The following TYRO3 variants were observed in gnomAD, a reference collection of about 807,000 sequenced individuals.
The protein encoded by TYRO3 is tyrosine-protein kinase receptor TYRO3.
TYRO3 carries 38 observed loss-of-function variants against 95.2 expected under a neutral mutation model. That is an observed-to-expected ratio of 0.40 (90% CI 0.31 to 0.52). TYRO3 has a LOEUF of 0.52. TYRO3 is among the 20% of genes least tolerant of loss of function. The probability of loss-of-function intolerance (pLI) is 0.56; values close to 1 mark genes in which losing one functional copy is unlikely to be tolerated. For synonymous variants in TYRO3, 367 were observed against 432.9 expected (o/e 0.85, Z 1.89); for missense variants, 812 against 1,116.4 (o/e 0.73, Z 3.89).
chr15:41,573,187 C>G, intron 16 of TYRO3, 76 bp downstream of exon 16: 1 of 1,425,736 alleles, frequency 7.0e-7, no homozygotes, highest in Admixed American at 1.9e-5. Flanking sequence ...TCGGCTCCTG[C>G]CTGGGACAGT....
intron 2 of TYRO3, 54 bp from the exon 3 acceptor site, chr15:41,561,485 A>G (rs987484940): frequency 7.3e-7 from 1 of 1,367,820 alleles, no homozygotes; most frequent in African/African-American, 1.5e-5. Context: ...AAGTTTGCCC[A>G]GCAGAGCTGC....
At position 41,573,789 on chromosome 15, in the gene TYRO3, A is replaced by G. The variant is rs777122969; in HGVS notation, c.2256A>G (p.Lys752=). The G allele has an allele frequency of 1.9e-6, 3 of 1,614,268 alleles. No individual in the cohort carries two copies. The South Asian group carries it at 3.3e-5, about 18-fold the overall frequency. Residue 752 remains lysine (K), a synonymous_variant, in exon 18 of 19, where the codon AAA becomes AAG. Coordinates refer to ENST00000263798, the MANE Select transcript of TYRO3 (RefSeq NM_006293.4). ...YNYLIGGNRL[K]QPPECMEDVY... ...ACCTCATTGGCGGGAACCGCCTGAA[A>G]CAGCCTCCGGAGTGTATGGAGGACG...
Position 41,573,048 on chromosome 15 carries a change from G to A in TYRO3, c.1922G>A (p.Cys641Tyr), listed in dbSNP as rs1303295687. Residue 641 changes from cysteine to tyrosine, a missense_variant, in exon 16 of 19, where the codon TGC (cysteine) becomes TAC (tyrosine). Coordinates refer to ENST00000263798, the MANE Select transcript of TYRO3 (RefSeq NM_006293.4). The stretch of plus-strand genomic sequence containing the variant: ...ATCCGGTTCATGGTGGACATTGCCT[G>A]CGGCATGGAGTACCTGAGCTCTCGG... ...TLIRFMVDIA[C>Y]GMEYLSSRNF... The A allele has an allele frequency of 1.2e-6, 2 of 1,614,192 alleles. No homozygotes were observed. Among genetic ancestry groups the A allele is most frequent in the Non-Finnish European group, 1.7e-6 (2 of 1,180,044 alleles).
In TYRO3 at chr15:41,561,288, C is replaced by G; in HGVS notation, c.286C>G (p.Gln96Glu). ...LDQLYIPVSE[Q>E]HWIGFLSLKS... The stretch of plus-strand genomic sequence containing the variant: ...CCAGTTGTACATCCCAGTCAGCGAG[C>G]AGCACTGGATCGGCTTCCTCAGGTG... The change falls in exon 2 of 19, where the codon CAG becomes GAG. Residue 96 changes from glutamine to glutamate, a missense_variant. Coordinates refer to ENST00000263798, the MANE Select transcript of TYRO3 (RefSeq NM_006293.4). The G allele has an allele frequency of 6.2e-7, 1 of 1,613,582 alleles. No individual in the cohort carries two copies. Among genetic ancestry groups the G allele is most frequent in the Non-Finnish European group, 8.5e-7 (1 of 1,179,636 alleles).
In TYRO3 at chr15:41,582,850, CTTTT is replaced by C. The variant is rs910821992; in HGVS notation, c.*4581_*4584del. ...AACAATCTATATTTTATGCACATTT[CTTTT>C]TTTTTTCTTTTTTTTGATACAGGGT... On this transcript the variant is annotated 3_prime_UTR_variant, in exon 19 of 19. Coordinates refer to ENST00000263798, the MANE Select transcript of TYRO3 (RefSeq NM_006293.4). 1 of 147,186 alleles carries C rather than the reference CTTTT, an allele frequency of 6.8e-6. No homozygotes were observed. The highest frequency in any genetic ancestry group is 2.0e-4 in the East Asian group (1 of 5,094). 9.1% of individuals were successfully genotyped at this position (147,186 alleles called of 1,614,324 possible). A position where few individuals can be genotyped will look rare whatever the true frequency, so the allele number is the denominator to read the frequency against.
At position 41,580,537 on chromosome 15, in the gene TYRO3, G is replaced by A. The variant is rs1289274984; in HGVS notation, c.*2261G>A. 1 of 151,730 alleles carries A rather than the reference G, an allele frequency of 6.6e-6. No homozygotes were observed. The highest frequency in any genetic ancestry group is 1.5e-5 in the Non-Finnish European group (1 of 67,934). The allele number at this position is 151,730 out of a possible 1,614,324, so 9.4% of individuals were successfully genotyped here. A position where few individuals can be genotyped will look rare whatever the true frequency, so the allele number is the denominator to read the frequency against. On this transcript the variant is annotated 3_prime_UTR_variant, in exon 19 of 19. Transcript: ENST00000263798. ...AATAAAAATGCAAAAAATAATAAAAGGTGCCAGTTACCTATACTCCCACCA... is the reference window on the plus strand; with the variant it reads ...AATAAAAATGCAAAAAATAATAAAAAGTGCCAGTTACCTATACTCCCACCA...
At position 41,573,798 on chromosome 15, in the gene TYRO3, G is replaced by A. The variant is rs765747228; in HGVS notation, c.2265G>A (p.Pro755=). 3.1e-6 allele frequency: 5 copies of A among 1,614,212 alleles called. No homozygotes were observed. Among genetic ancestry groups the A allele is most frequent in the East Asian group, 2.2e-5 (1 of 44,886 alleles). The change falls in exon 18 of 19, where the codon CCG becomes CCA. Residue 755 remains proline, a synonymous_variant. Transcript: ENST00000263798. Reference sequence around the variant, plus strand: ...GCGGGAACCGCCTGAAACAGCCTCCGGAGTGTATGGAGGACGTGTGAGTAT... The same window carrying A: ...GCGGGAACCGCCTGAAACAGCCTCCAGAGTGTATGGAGGACGTGTGAGTAT... The part of the protein sequence containing the change: ...LIGGNRLKQP[P]ECMEDVYDLM...
At chr15:41,570,771 T>G (rs2055785891) in intron 12 of TYRO3, 72 bp downstream of exon 12, 1 of 1,457,020 alleles carries the variant, frequency 6.9e-7, no homozygotes, top group Non-Finnish European at 9.6e-7. Context: ...CCCCTGTCAC[T>G]TTGAGGCTGT....
In TYRO3 at chr15:41,562,648, C is replaced by T; in HGVS notation, c.510C>T (p.Thr170=). 2 of 1,614,158 alleles carry T rather than the reference C, an allele frequency of 1.2e-6. No homozygotes were observed. Among genetic ancestry groups the T allele is most frequent in the Non-Finnish European group, 1.7e-6 (2 of 1,180,038 alleles). Residue 170 remains threonine, a synonymous_variant, in exon 4 of 19, where the codon ACC becomes ACT. Transcript: ENST00000263798. The part of the protein sequence containing the change: ...CEAVGPPEPV[T]IVWWRGTTKI... ...CTGTGGGTCCCCCTGAACCTGTTAC[C>T]ATTGTCTGGTGGAGAGGAACTACGA...
At chr15:41,564,377 T>C in intron 5 of TYRO3, 107 bp downstream of exon 5, 1 of 1,153,430 alleles carries the variant, frequency 8.7e-7, no homozygotes, top group Non-Finnish European at 1.3e-6. Flanking sequence ...GTGGTCCTGC[T>C]GGGATCTAGG....
intron 18 of TYRO3, among the ~76,000 whole-genome samples, chr15:41,575,604 C>T (rs576413391): frequency 6.6e-6 from 1 of 152,316 alleles, no homozygotes; most frequent in East Asian, 1.9e-4. Context: ...TTACTGGTGG[C>T]CCCTGCTGGG....
intron 1 of TYRO3, among the ~76,000 whole-genome samples, chr15:41,560,886 AAGG>A (rs1196361404): frequency 2.6e-5 from 4 of 151,936 alleles, no homozygotes; most frequent in African/African-American, 4.8e-5. Context: ...CTGGGCTCAG[AAGG>A]AGGACATGGG....
intron 8 of TYRO3, 62 bp downstream of exon 8, chr15:41,568,424 C>T (rs1455610872): frequency 2.0e-6 from 3 of 1,508,960 alleles, no homozygotes; most frequent in Non-Finnish European, 2.7e-6. Context: ...GGTTCTAAGG[C>T]CTTTAAGAAT....
chr15:41,571,639 G>A lies in TYRO3; in HGVS notation c.1705G>A (p.Ala569Thr), dbSNP rs780203368. The A allele has an allele frequency of 5.0e-6, 8 of 1,613,950 alleles. No individual in the cohort carries two copies. The highest frequency in any genetic ancestry group is 6.8e-6 in the Non-Finnish European group (8 of 1,179,826). The change falls in exon 14 of 19, where the codon GCA (alanine) becomes ACA (threonine). Residue 569 changes from alanine (A) to threonine (T), a missense_variant. Physicochemically the swap from Ala to Thr is moderately conservative, Grantham distance 58 (BLOSUM62 0). Coordinates refer to ENST00000263798, the MANE Select transcript of TYRO3 (RefSeq NM_006293.4). ...CGACATTGAAGAGTTCCTCAGGGAA[G>A]CAGCTTGCATGAAGGAGTTTGACCA... ...SSDIEEFLRE[A>T]ACMKEFDHPH...
At chr15:41,577,836 G>A (rs1382348514) in intron 18 of TYRO3, 50 bp from the exon 19 acceptor site, 2 of 1,420,302 alleles carry the variant, frequency 1.4e-6, no homozygotes, top group South Asian at 2.6e-5. Context: ...AGGGGCCCCT[G>A]CTTTTGAGGG....
chr15:41,560,742 G>A (rs1359987762), intron 1 of TYRO3, among the ~76,000 whole-genome samples: 1 of 152,180 alleles, frequency 6.6e-6, no homozygotes, highest in Non-Finnish European at 1.5e-5. Context: ...GCAATTCAGG[G>A]TCTGGGCTGA....
At position 41,565,027 on chromosome 15, in the gene TYRO3, A is replaced by G. The variant is rs976151815; in HGVS notation, c.669A>G (p.Ala223=). 1.9e-6 allele frequency: 3 copies of G among 1,609,704 alleles called. No homozygotes were observed. Among genetic ancestry groups the G allele is most frequent in the East Asian group, 2.2e-5 (1 of 44,864 alleles). ...SSRTATVHLQ[A]LPAAPFNITV... Reference sequence around the variant, plus strand: ...CTGATTCTGAGTCCCCGTCCACAGCACTGCCTGCAGCCCCCTTCAACATCA... The same window carrying G: ...CTGATTCTGAGTCCCCGTCCACAGCGCTGCCTGCAGCCCCCTTCAACATCA... The change falls in exon 6 of 19, where the codon GCA becomes GCG. Residue 223 remains alanine (A), a splice_region_variant and synonymous_variant. Coordinates refer to ENST00000263798, the MANE Select transcript of TYRO3 (RefSeq NM_006293.4).
intron 9 of TYRO3, 24 bp downstream of exon 9, chr15:41,569,046 G>T (rs1316088803): frequency 3.1e-6 from 5 of 1,609,888 alleles, no homozygotes; most frequent in African/African-American, 2.7e-5. Flanking sequence ...GTGGAGAGGG[G>T]CAGAGGCTCA....
chr15:41,565,582 C>CTTTTTTTTTTTT (rs71104798), intron 6 of TYRO3, among the ~76,000 whole-genome samples: 1 of 133,302 alleles, frequency 7.5e-6, no homozygotes, highest in Non-Finnish European at 1.6e-5. Context: ...GCCCAGCTAA[C>CTTTTTTTTTTTT]TTTTTTTTTT....
Sources: gnomAD v4.1 joint callset for allele counts (sites outside exome capture counted in the v4.1 genomes callset) on GRCh38, gnomAD v4.1.1 for gene constraint, MANE v1.5 for transcripts, NCBI Gene and HGNC (gene_info 2026-07-23, HGNC 2026-07-21) for gene names.